DLG2: variants seen among roughly 807,000 people sequenced by gnomAD.
DLG2 encodes the protein disks large homolog 2.
In DLG2, 45 loss-of-function variants were observed where a neutral mutation model predicts 132.5. The observed-to-expected ratio is 0.34, with a 90% CI of 0.27 to 0.44. The LOEUF (loss-of-function observed/expected upper bound fraction) is 0.44. Ranked by LOEUF, DLG2 falls within the 20% of genes least tolerant of loss-of-function variation. DLG2 has a pLI of 1.00. For missense variants in DLG2, 1,045 were observed against 1,196.9 expected (o/e 0.87, Z 1.87); for synonymous variants, 424 against 419.6 (o/e 1.01, Z -0.13).
intron 18 of DLG2, among the ~76,000 whole-genome samples, chr11:83,777,468 T>C (rs897076074): frequency 6.6e-6 from 1 of 152,244 alleles, no homozygotes; most frequent in Non-Finnish European, 1.5e-5. Context: ...GCTTTCTGCA[T>C]CTTTAATGTC....
At chr11:83,787,524 T>C (rs1341279610) in intron 17 of DLG2, among the ~76,000 whole-genome samples, 1 of 151,834 alleles carries the variant, frequency 6.6e-6, no homozygotes, top group Non-Finnish European at 1.5e-5. Flanking sequence ...GGTTTCACCG[T>C]GTTAGCCAGG....
intron 7 of DLG2, among the ~76,000 whole-genome samples, chr11:84,252,118 G>C (rs2097387702): frequency 1.5e-5 from 2 of 133,252 alleles, no homozygotes; most frequent in Admixed American, 7.6e-5. Flanking sequence ...TATGCGTGCT[G>C]TATCCTGTAT....
chr11:84,230,415 C>T (rs1407264777), intron 8 of DLG2, among the ~76,000 whole-genome samples: 2 of 151,732 alleles, frequency 1.3e-5, no homozygotes, highest in East Asian at 1.9e-4. Flanking sequence ...TCTAGCTTGC[C>T]GCATGATATT....
chr11:84,651,546 C>T (rs904200053), intron 6 of DLG2, among the ~76,000 whole-genome samples: 8 of 152,164 alleles, frequency 5.3e-5, no homozygotes, highest in African/African-American at 1.9e-4. Context: ...GGTCACTCCT[C>T]TTCTGTCTCC....
intron 10 of DLG2, among the ~76,000 whole-genome samples, chr11:84,090,955 G>A (rs551087936): frequency 1.3e-5 from 2 of 152,144 alleles, no homozygotes; most frequent in East Asian, 3.9e-4. Context: ...TCTGAACTAA[G>A]GTTAAGCGAA....
chr11:84,278,185 G>C (rs2097804053), intron 7 of DLG2, among the ~76,000 whole-genome samples: 1 of 150,114 alleles, frequency 6.7e-6, no homozygotes, highest in Non-Finnish European at 1.5e-5. Context: ...CACTGTACCT[G>C]GCTGAGAAAA....
intron 6 of DLG2, among the ~76,000 whole-genome samples, chr11:84,574,943 C>T (rs937233759): frequency 1.3e-5 from 2 of 152,132 alleles, no homozygotes; most frequent in Non-Finnish European, 2.9e-5. Context: ...TATCCAACTA[C>T]ACCCTGTCAA....
intron 11 of DLG2, among the ~76,000 whole-genome samples, chr11:84,054,663 T>C (rs995996628): frequency 2.0e-5 from 3 of 152,080 alleles, no homozygotes; most frequent in African/African-American, 7.2e-5. Context: ...AGCTCTGCTA[T>C]AAAGACAAAA....
intron 15 of DLG2, 107 bp from the exon 16 acceptor site, chr11:83,874,595 G>A: frequency 1.4e-6 from 1 of 736,882 alleles, no homozygotes; most frequent in South Asian, 2.7e-5. Context: ...GTGCAGGTTA[G>A]TTACATATGT....
At chr11:84,787,559 A>C (rs915399624) in intron 6 of DLG2, among the ~76,000 whole-genome samples, 2 of 152,096 alleles carry the variant, frequency 1.3e-5, no homozygotes, top group African/African-American at 4.8e-5. Context: ...TCTTTACCCA[A>C]TATATATCTC....
intron 6 of DLG2, among the ~76,000 whole-genome samples, chr11:85,010,178 T>A (rs2059028570): frequency 6.6e-6 from 1 of 152,112 alleles, no homozygotes. Flanking sequence ...ATCAGTAAAG[T>A]GAAATTTATA....
chr11:83,790,516 C>A (rs2041246608), intron 17 of DLG2: 1 of 1,269,670 alleles, frequency 7.9e-7, no homozygotes, highest in Non-Finnish European at 1.1e-6. Flanking sequence ...TAAACTCTTG[C>A]AACACCAGGA....
At chr11:84,289,373 G>A (rs1268384507) in intron 7 of DLG2, among the ~76,000 whole-genome samples, 1 of 151,968 alleles carries the variant, frequency 6.6e-6, no homozygotes, top group African/African-American at 2.4e-5. Flanking sequence ...GGCCTTCATT[G>A]ACCTATTTTT....
intron 11 of DLG2, among the ~76,000 whole-genome samples, chr11:83,981,097 G>C (rs1441740462): frequency 1.3e-5 from 2 of 152,128 alleles, no homozygotes; most frequent in Non-Finnish European, 2.9e-5. Flanking sequence ...CAGAGACCTG[G>C]ATACTCTTGA....
chr11:83,626,337 C>T (rs1173770281), intron 19 of DLG2, among the ~76,000 whole-genome samples: 2 of 152,130 alleles, frequency 1.3e-5, no homozygotes, highest in Non-Finnish European at 2.9e-5. Flanking sequence ...TTTGGATTGC[C>T]TATAGATCTA....
rs2049049400 is a variant in DLG2 at position 84,938,825 on chromosome 11, T to C, written c.357+172836A>G. On this transcript the variant is annotated intron_variant, in intron 6 of 27. Coordinates refer to ENST00000376104, the MANE Select transcript of DLG2 (RefSeq NM_001142699.3). ...ATTAGGGGAAATGCTTCATCTTATA[T>C]AAGAACATTTGATTATGGGAAATTT... is the stretch of plus-strand genomic sequence containing the variant. 2.0e-5 allele frequency among the ~76,000 whole-genome samples: 3 copies of C among 152,276 alleles called. No individual in the cohort carries two copies. In the South Asian group the frequency reaches 6.2e-4, roughly 32 times the overall value.
At chr11:84,789,169 T>C (rs564325893) in intron 6 of DLG2, among the ~76,000 whole-genome samples, 254 of 152,294 alleles carry the variant, frequency 1.7e-3, no homozygotes, top group Non-Finnish European at 3.1e-3. Context: ...TTCATGATGA[T>C]TGGATAGCAT....
chr11:85,173,005 C>G (rs1368910794), intron 4 of DLG2, among the ~76,000 whole-genome samples: 1 of 152,036 alleles, frequency 6.6e-6, no homozygotes, highest in Non-Finnish European at 1.5e-5. Flanking sequence ...ATTGGGGTAC[C>G]TGAAAGAGAC....
At chr11:83,632,799 A>G (rs960660098) in intron 19 of DLG2, 7 of 160,368 alleles carry the variant, frequency 4.4e-5, no homozygotes, top group Admixed American at 4.3e-4. Flanking sequence ...AAACTGATGC[A>G]CTAAAGTTAA....
Sources: allele counts gnomAD v4.1 joint callset (sites outside exome capture counted in the v4.1 genomes callset), GRCh38; gene constraint gnomAD v4.1.1; transcripts MANE v1.5; gene names NCBI Gene and HGNC (gene_info 2026-07-23, HGNC 2026-07-21).